Variants in CCDC195 observed in about 807,000 individuals in gnomAD.
The protein encoded by CCDC195 is coiled-coil domain-containing protein 195.
chr2:224,707,129 C>T (rs1310220365), intron 2 of CCDC195, among the ~76,000 whole-genome samples: 1 of 152,136 alleles, frequency 6.6e-6, no homozygotes, highest in Non-Finnish European at 1.5e-5. Flanking sequence ...AAATGATCCC[C>T]TCTTGCCTAG....
intron 2 of CCDC195, among the ~76,000 whole-genome samples, chr2:224,707,208 G>T (rs1376279428): frequency 7.4e-6 from 1 of 134,850 alleles, no homozygotes; most frequent in African/African-American, 2.7e-5. Flanking sequence ...TTCACAATAG[G>T]GTTTCCAACC....
At chr2:224,708,019 C>T (rs182791055) in intron 2 of CCDC195, among the ~76,000 whole-genome samples, 10 of 110,176 alleles carry the variant, frequency 9.1e-5, no homozygotes, top group East Asian at 2.8e-4. Context: ...TTTCTTCCTT[C>T]CTTCCTTCCT....
intron 1 of CCDC195, 131 bp from the exon 2 acceptor site, chr2:224,710,350 G>A (rs1263815933): frequency 5.1e-6 from 2 of 394,762 alleles, no homozygotes; most frequent in Non-Finnish European, 8.9e-6. Flanking sequence ...TGGCATAAAA[G>A]ATATCCATTT....
chr2:224,706,160 A>G (rs1260705016), intron 2 of CCDC195, among the ~76,000 whole-genome samples: 1 of 80,352 alleles, frequency 1.2e-5, no homozygotes, highest in Admixed American at 1.2e-4. Context: ...AAACATTTTT[A>G]CTTTGTATAT....
At chr2:224,715,119 G>A (rs1689364057) in intron 1 of CCDC195, among the ~76,000 whole-genome samples, 1 of 152,032 alleles carries the variant, frequency 6.6e-6, no homozygotes, top group Non-Finnish European at 1.5e-5. Context: ...AGTAGAGACA[G>A]GGTTTCACCA....
In CCDC195 at chr2:224,712,441, T is replaced by C. The variant is rs16866126; in HGVS notation, c.236-2222A>G. On this transcript the variant is annotated intron_variant, in intron 1 of 2. Transcript: ENST00000638102. ...TTGTGCACTATTACAGATGTTTCCA[T>C]GAGCATTTACCCAGCAAGGATTCAT... Among the ~76,000 whole-genome samples the C allele has an allele frequency of 4.8e-3, 736 of 152,364 alleles. 4 individuals are homozygous for C. The highest frequency in any genetic ancestry group is 0.017 in the African/African-American group (699 of 41,580).
intron 2 of CCDC195, among the ~76,000 whole-genome samples, chr2:224,708,011 T>TCTTTC (rs1553549000): frequency 1.2e-5 from 1 of 84,734 alleles, no homozygotes; most frequent in East Asian, 4.2e-4. Flanking sequence ...TTCCTTCCTT[T>TCTTTC]CTTCCTTCCT....
At chr2:224,712,616 G>A (rs1310624265) in intron 1 of CCDC195, among the ~76,000 whole-genome samples, 1 of 152,070 alleles carries the variant, frequency 6.6e-6, no homozygotes, top group East Asian at 1.9e-4. Flanking sequence ...CACATACCAA[G>A]GAACACACGG....
intron 2 of CCDC195, among the ~76,000 whole-genome samples, chr2:224,708,011 TCTTCCTTC>T (rs58888531): frequency 0.054 from 4,522 of 84,508 alleles, 298 homozygotes; most frequent in African/African-American, 0.16. Context: ...TTCCTTCCTT[TCTTCCTTC>T]CTTCCTTCCT....
chr2:224,709,086 CTTTTT>C (rs35179742), intron 2 of CCDC195, among the ~76,000 whole-genome samples: 1 of 95,762 alleles, frequency 1.0e-5, no homozygotes, highest in Non-Finnish European at 2.0e-5. Context: ...TTTCTTTTGT[CTTTTT>C]TTTTTTTTTT....
chr2:224,714,026 A>G (rs573700962), intron 1 of CCDC195, among the ~76,000 whole-genome samples: 2 of 151,854 alleles, frequency 1.3e-5, no homozygotes, highest in South Asian at 4.2e-4. Context: ...CTTTGTAGAG[A>G]TGGCGGTCTC....
intron 1 of CCDC195, among the ~76,000 whole-genome samples, chr2:224,712,190 T>C (rs994990961): frequency 2.0e-5 from 3 of 152,156 alleles, no homozygotes; most frequent in African/African-American, 7.2e-5. Flanking sequence ...ACAAAAAAGA[T>C]ATTCAACACA....
chr2:224,714,490 C>T (rs895197302), intron 1 of CCDC195, among the ~76,000 whole-genome samples: 3 of 152,080 alleles, frequency 2.0e-5, no homozygotes, highest in Non-Finnish European at 4.4e-5. Flanking sequence ...TTGGCAATGC[C>T]TGGAGACATT....
chr2:224,710,733 A>T (rs1413804687), intron 1 of CCDC195, among the ~76,000 whole-genome samples: 1 of 152,218 alleles, frequency 6.6e-6, no homozygotes, highest in Non-Finnish European at 1.5e-5. Flanking sequence ...AAAGATGGGA[A>T]TGTGGTAGAG....
In CCDC195 at chr2:224,706,572, G is replaced by A. The variant is rs1444324168; in HGVS notation, c.483-2685C>T. Among the ~76,000 whole-genome samples, 6 of 143,106 alleles carry A rather than the reference G, an allele frequency of 4.2e-5. No individual in the cohort carries two copies. The South Asian group carries it at 1.1e-3, about 27-fold the overall frequency. 93.9% of individuals were successfully genotyped at this position (143,106 alleles called of 152,430 possible). On this transcript the variant is annotated intron_variant, in intron 2 of 2. Transcript: ENST00000638102. ...TGTTGCCAGGCTGGAGTGCAATGGCGTGATCTCGGTTCACTGCAAACTGTG... is the reference window on the plus strand; with the variant it reads ...TGTTGCCAGGCTGGAGTGCAATGGCATGATCTCGGTTCACTGCAAACTGTG...
At chr2:224,707,535 T>A (rs1689229573) in intron 2 of CCDC195, among the ~76,000 whole-genome samples, 1 of 152,242 alleles carries the variant, frequency 6.6e-6, no homozygotes, top group Non-Finnish European at 1.5e-5. Flanking sequence ...TATCAAACAT[T>A]TCATTATGCT....
At chr2:224,706,891 A>G (rs1007321007) in intron 2 of CCDC195, among the ~76,000 whole-genome samples, 92 of 143,952 alleles carry the variant, frequency 6.4e-4, no homozygotes, top group African/African-American at 1.4e-3. Flanking sequence ...GTCTGTGTGT[A>G]TATATATATA....
chr2:224,710,676 T>C (rs1001971747), intron 1 of CCDC195, among the ~76,000 whole-genome samples: 1 of 152,166 alleles, frequency 6.6e-6, no homozygotes, highest in Admixed American at 6.5e-5. Flanking sequence ...ATTGATTTAT[T>C]TTACAAATAT....
exon 2 of CCDC195, chr2:224,710,120 C>A (rs539192200): frequency 2.5e-4 from 100 of 398,570 alleles, no homozygotes; most frequent in African/African-American, 1.7e-3. Flanking sequence ...TTCTAGAATT[C>A]CGCTCTTTGG....
Sources: allele counts gnomAD v4.1 joint callset (sites outside exome capture counted in the v4.1 genomes callset), GRCh38; gene constraint gnomAD v4.1.1; transcripts MANE v1.5; gene names NCBI Gene and HGNC (gene_info 2026-07-23, HGNC 2026-07-21).